KLLN: variants seen among roughly 807,000 people sequenced by gnomAD.
KLLN encodes the protein killin, p53 regulated DNA replication inhibitor, also known as killin.
For missense variants in KLLN, 340 were observed against 241.3 expected (o/e 1.41, Z -2.71); for synonymous variants, 142 against 102.2 (o/e 1.39, Z -2.35).
Position 87,862,443 on chromosome 10 carries a change from C to T in KLLN, c.45G>A (p.Val15=). The change falls in exon 1 of 1, where the codon GTG becomes GTA. Residue 15 remains valine, a synonymous_variant. Coordinates refer to ENST00000445946, the MANE Select transcript of KLLN (RefSeq NM_001126049.2). ...GPGSARPGRT[V]HVWGYRVEWK... is the part of the protein sequence containing the mutation. ...ACTCAACCCGGTAACCCCAAACGTG[C>T]ACGGTCCGGCCGGGGCGCGCGGAGC... 1 of 1,551,366 alleles carries T rather than the reference C, an allele frequency of 6.4e-7. No individual in the cohort carries two copies. The highest frequency in any genetic ancestry group is 2.4e-5 in the East Asian group (1 of 40,898).
Position 87,860,256 on chromosome 10 carries a change from G to A in KLLN, c.*1695C>T, listed in dbSNP as rs1382420801. 4 of 152,190 alleles carry A rather than the reference G, an allele frequency of 2.6e-5. No homozygotes were observed. The highest frequency in any genetic ancestry group is 5.9e-5 in the Non-Finnish European group (4 of 68,028). 9.4% of individuals were successfully genotyped at this position (152,190 alleles called of 1,614,324 possible). A position where few individuals can be genotyped will look rare whatever the true frequency, so the allele number is the denominator to read the frequency against. On this transcript the variant is annotated 3_prime_UTR_variant, in exon 1 of 1. Coordinates refer to ENST00000445946, the MANE Select transcript of KLLN (RefSeq NM_001126049.2). The stretch of plus-strand genomic sequence containing the variant: ...AAACAACTTAACACTAGGAACAGAA[G>A]GAGGATTTTATTCACCAACTCCTAA...
At chr10:87,861,963 C>CT in the KLLN span, 2 of 1,460,070 alleles carry the variant, frequency 1.4e-6, no homozygotes, top group Non-Finnish European at 1.8e-6. Context: ...AGTCCTTTGG[C>CT]TTGCTCTTAG....
At position 87,861,445 on chromosome 10, in the gene KLLN, A is replaced by G. The variant is rs1858253627; in HGVS notation, c.*506T>C. ...GACTCAAATTGTCGTCTGTAGTTCT[A>G]CTTCCTAAGGGAAATGAAAAAACAA... On this transcript the variant is annotated 3_prime_UTR_variant, in exon 1 of 1. Transcript: ENST00000445946. 1 of 153,536 alleles carries G rather than the reference A, an allele frequency of 6.5e-6. No individual in the cohort carries two copies. Among genetic ancestry groups the G allele is most frequent in the Non-Finnish European group, 1.4e-5 (1 of 69,014 alleles). 9.5% of individuals were successfully genotyped at this position (153,536 alleles called of 1,614,324 possible).
chr10:87,862,948 G>A lies in KLLN; in HGVS notation c.-461C>T, dbSNP rs1212430121. The A allele has an allele frequency of 5.2e-6, 1 of 192,396 alleles. No individual in the cohort carries two copies. The highest frequency in any genetic ancestry group is 2.4e-5 in the African/African-American group (1 of 42,336). 11.9% of individuals were successfully genotyped at this position (192,396 alleles called of 1,614,324 possible). On this transcript the variant is annotated 5_prime_UTR_variant, in exon 1 of 1. Coordinates refer to ENST00000445946, the MANE Select transcript of KLLN (RefSeq NM_001126049.2). ...CTGTTACAGTCAAATCTCTGCGAAC[G>A]ATTGTGATCCGACAGCGGTGCAAAA...
At position 87,862,036 on chromosome 10, in the gene KLLN, G is replaced by A. The variant is rs1858266874; in HGVS notation, c.452C>T (p.Pro151Leu). Residue 151 changes from proline (P) to leucine (L), a missense_variant, in exon 1 of 1, where the codon CCG becomes CTG. Pro to Leu is a moderately conservative substitution (Grantham distance 98). Transcript: ENST00000445946. ...TCPRLPACWL[P>L]PILTERGERV... ...CTCCCCGCGTTCTGTAAGAATCGGC[G>A]GCAGCCAGCAGGCGGGGAGGCGGGG... 2 of 1,487,728 alleles carry A rather than the reference G, an allele frequency of 1.3e-6. No individual in the cohort carries two copies. The highest frequency in any genetic ancestry group is 9.0e-7 in the Non-Finnish European group (1 of 1,116,792). 92.2% of individuals were successfully genotyped at this position (1,487,728 alleles called of 1,614,324 possible).
chr10:87,862,135 C>G lies in KLLN; in HGVS notation c.353G>C (p.Ser118Thr). ...GCCCCGACAGCGCTCCTTCGGGAGGCTGGTCCGAGCCCCTGTTTCCGCCGC... is the reference window on the plus strand; with the variant it reads ...GCCCCGACAGCGCTCCTTCGGGAGGGTGGTCCGAGCCCCTGTTTCCGCCGC... ...CAAAETGARTSLPKERCRGWR... is the reference protein window; with the variant it reads ...CAAAETGARTTLPKERCRGWR... Residue 118 changes from serine (S) to threonine (T), a missense_variant, in exon 1 of 1, where the codon AGC (serine) becomes ACC (threonine). Transcript: ENST00000445946. 6.5e-7 allele frequency: 1 copy of G among 1,549,502 alleles called. No individual in the cohort carries two copies. Among genetic ancestry groups the G allele is most frequent in the Non-Finnish European group, 8.7e-7 (1 of 1,145,628 alleles).
In KLLN at chr10:87,863,342, C is replaced by G. The variant is rs1349362159; in HGVS notation, c.-855G>C. 3.3e-6 allele frequency: 1 copy of G among 307,330 alleles called. No individual in the cohort carries two copies. The highest frequency in any genetic ancestry group is 5.2e-5 in the Admixed American group (1 of 19,256). 19.0% of individuals were successfully genotyped at this position (307,330 alleles called of 1,614,324 possible). On this transcript the variant is annotated 5_prime_UTR_variant, in exon 1 of 1. Transcript: ENST00000445946. Reference sequence around the variant, plus strand: ...CCCGAGCAAGCCCCAGGCAGCTACACTGGGCATGCTCAGTAGAGCCTGCGG... The same window carrying G: ...CCCGAGCAAGCCCCAGGCAGCTACAGTGGGCATGCTCAGTAGAGCCTGCGG...
chr10:87,862,559 C>G lies in KLLN; in HGVS notation c.-72G>C. 1 of 1,360,038 alleles carries G rather than the reference C, an allele frequency of 7.4e-7. No homozygotes were observed. The highest frequency in any genetic ancestry group is 2.6e-5 in the Admixed American group (1 of 38,554). 84.2% of individuals were successfully genotyped at this position (1,360,038 alleles called of 1,614,324 possible). On this transcript the variant is annotated 5_prime_UTR_variant, in exon 1 of 1. Coordinates refer to ENST00000445946, the MANE Select transcript of KLLN (RefSeq NM_001126049.2). ...CTCTGAGAACCGAGCTTGACTCCGA[C>G]GCCGCGAACCGACCTGGAGCCCGAG...
Position 87,862,413 on chromosome 10 carries a change from T to A in KLLN, c.75A>T (p.Lys25Asn), listed in dbSNP as rs767531763. 4 of 1,551,524 alleles carry A rather than the reference T, an allele frequency of 2.6e-6. No homozygotes were observed. The highest frequency in any genetic ancestry group is 2.4e-5 in the East Asian group (1 of 40,916). The change falls in exon 1 of 1, where the codon AAA (lysine) becomes AAT (asparagine). Residue 25 changes from lysine (K) to asparagine (N), a missense_variant. Coordinates refer to ENST00000445946, the MANE Select transcript of KLLN (RefSeq NM_001126049.2). ...GCTGCAGCTTCCTACCGTTCCGTAC[T>A]TTCCACTCAACCCGGTAACCCCAAA... The part of the protein sequence containing the change: ...VHVWGYRVEW[K>N]VRNGRKLQPS...
chr10:87,862,796 G>A lies in KLLN; in HGVS notation c.-309C>T. On this transcript the variant is annotated 5_prime_UTR_variant, in exon 1 of 1. Coordinates refer to ENST00000445946, the MANE Select transcript of KLLN (RefSeq NM_001126049.2). The stretch of plus-strand genomic sequence containing the variant: ...AGCCGAGTTACCGGGGAAGCGAGAG[G>A]TGGGGCGCTGCAAGGGAGCCGGATG... The A allele has an allele frequency of 2.2e-6, 1 of 461,468 alleles. No individual in the cohort carries two copies. The highest frequency in any genetic ancestry group is 4.0e-6 in the Non-Finnish European group (1 of 247,056). The allele number at this position is 461,468 out of a possible 1,614,324, so 28.6% of individuals were successfully genotyped here.
In KLLN at chr10:87,859,428, A is replaced by G. The variant is rs1858221251; in HGVS notation, c.*2523T>C. 1 of 152,224 alleles carries G rather than the reference A, an allele frequency of 6.6e-6. No homozygotes were observed. The highest frequency in any genetic ancestry group is 2.4e-5 in the African/African-American group (1 of 41,438). 9.4% of individuals were successfully genotyped at this position (152,224 alleles called of 1,614,324 possible). On this transcript the variant is annotated 3_prime_UTR_variant, in exon 1 of 1. Transcript: ENST00000445946. ...ATGAGAAAGGCACTATAGAGATCAG[A>G]GTGTTTACACAAAAGACATCTTAGC... is the stretch of plus-strand genomic sequence containing the variant.
Position 87,862,584 on chromosome 10 carries a change from G to A in KLLN, c.-97C>T, listed in dbSNP as rs1271127165. On this transcript the variant is annotated 5_prime_UTR_variant, in exon 1 of 1. Transcript: ENST00000445946. ...CGCCGCGAACCGACCTGGAGCCCGAGGGGAAAGATGCTCGACTCTCTTGGG... is the reference window on the plus strand; with the variant it reads ...CGCCGCGAACCGACCTGGAGCCCGAAGGGAAAGATGCTCGACTCTCTTGGG... 5 of 1,156,166 alleles carry A rather than the reference G, an allele frequency of 4.3e-6. No individual in the cohort carries two copies. Among genetic ancestry groups the A allele is most frequent in the Non-Finnish European group, 6.1e-6 (5 of 824,744 alleles). The allele number at this position is 1,156,166 out of a possible 1,614,324, so 71.6% of individuals were successfully genotyped here. A position where few individuals can be genotyped will look rare whatever the true frequency, so the allele number is the denominator to read the frequency against.
At chr10:87,861,951 TCA>T in the KLLN span, 1 of 1,456,908 alleles carries the variant, frequency 6.9e-7, no homozygotes, top group Non-Finnish European at 9.1e-7. Context: ...GTCTCAGGTC[TCA>T]GTCCTTTGGC....
Position 87,862,432 on chromosome 10 carries a change from C to T in KLLN, c.56G>A (p.Gly19Asp). 1 of 1,551,582 alleles carries T rather than the reference C, an allele frequency of 6.4e-7. No homozygotes were observed. Among genetic ancestry groups the T allele is most frequent in the Non-Finnish European group, 8.7e-7 (1 of 1,146,950 alleles). The change falls in exon 1 of 1, where the codon GGT becomes GAT. Residue 19 changes from glycine to aspartate, a missense_variant. Transcript: ENST00000445946. ...CCGTACTTTCCACTCAACCCGGTAA[C>T]CCCAAACGTGCACGGTCCGGCCGGG... ...ARPGRTVHVW[G>D]YRVEWKVRNG...
Position 87,862,425 on chromosome 10 carries a change from C to G in KLLN, c.63G>C (p.Arg21=), listed in dbSNP as rs1858287009. ...TACCGTTCCGTACTTTCCACTCAACCCGGTAACCCCAAACGTGCACGGTCC... is the reference window on the plus strand; with the variant it reads ...TACCGTTCCGTACTTTCCACTCAACGCGGTAACCCCAAACGTGCACGGTCC... ...PGRTVHVWGY[R]VEWKVRNGRK... The change falls in exon 1 of 1, where the codon CGG becomes CGC. Residue 21 remains arginine, a synonymous_variant. Transcript: ENST00000445946. 3.2e-6 allele frequency: 5 copies of G among 1,551,640 alleles called. No individual in the cohort carries two copies. In the South Asian group the frequency reaches 5.9e-5, roughly 18 times the overall value.
At position 87,862,218 on chromosome 10, in the gene KLLN, G is replaced by C. The variant is rs892472106; in HGVS notation, c.270C>G (p.Ser90=). 6.4e-6 allele frequency: 10 copies of C among 1,551,730 alleles called. No homozygotes were observed. Among genetic ancestry groups the C allele is most frequent in the Non-Finnish European group, 4.4e-6 (5 of 1,146,996 alleles). The change falls in exon 1 of 1, where the codon TCC becomes TCG. Residue 90 remains serine (S), a synonymous_variant. Coordinates refer to ENST00000445946, the MANE Select transcript of KLLN (RefSeq NM_001126049.2). ...SDSSGGKSSS[S]FARGALAWCR... is the part of the protein sequence containing the mutation. ...ACCAGGCAAGAGCACCCCGAGCAAA[G>C]GAAGAAGACGACTTGCCTCCGGAGC...
chr10:87,861,780 C>T lies in KLLN; in HGVS notation c.*171G>A, dbSNP rs1589591771. On this transcript the variant is annotated 3_prime_UTR_variant, in exon 1 of 1. Coordinates refer to ENST00000445946, the MANE Select transcript of KLLN (RefSeq NM_001126049.2). ...GTTTGTTGCAACATCGGAGAATGCA[C>T]GCTCTGGGCTGCAGCAGGAGATACC... is the stretch of plus-strand genomic sequence containing the variant. 8.8e-6 allele frequency: 5 copies of T among 571,068 alleles called. No individual in the cohort carries two copies. The East Asian group carries it at 1.2e-4, about 13-fold the overall frequency. 35.4% of individuals were successfully genotyped at this position (571,068 alleles called of 1,614,324 possible). A position where few individuals can be genotyped will look rare whatever the true frequency, so the allele number is the denominator to read the frequency against.
In KLLN at chr10:87,862,858, CTT is replaced by C; in HGVS notation, c.-373_-372del. The C allele has an allele frequency of 3.2e-6, 1 of 315,220 alleles. No individual in the cohort carries two copies. The highest frequency in any genetic ancestry group is 1.0e-3 in the Middle Eastern group (1 of 958). The allele number at this position is 315,220 out of a possible 1,614,324, so 19.5% of individuals were successfully genotyped here. On this transcript the variant is annotated 5_prime_UTR_variant, in exon 1 of 1. It introduces an in-frame stop codon into an upstream open reading frame of the 5' UTR. Coordinates refer to ENST00000445946, the MANE Select transcript of KLLN (RefSeq NM_001126049.2). ...GCTGGCGACACAATAGCAGGTTGCT[CTT>C]TGTGCTAAGACTGACACCATGAGGA...
At position 87,861,961 on chromosome 10, in the gene KLLN, G is replaced by A; in HGVS notation, c.527C>T (p.Pro176Leu). The A allele has an allele frequency of 6.8e-7, 1 of 1,459,940 alleles. No homozygotes were observed. The highest frequency in any genetic ancestry group is 9.1e-7 in the Non-Finnish European group (1 of 1,104,672). 90.4% of individuals were successfully genotyped at this position (1,459,940 alleles called of 1,614,324 possible). A position where few individuals can be genotyped will look rare whatever the true frequency, so the allele number is the denominator to read the frequency against. ...PLLACYPKSK[P>L]KD ...AGTGAGTCTCAGGTCTCAGTCCTTTGGCTTGCTCTTAGGGTAGCAGGCGAG... is the reference window on the plus strand; with the variant it reads ...AGTGAGTCTCAGGTCTCAGTCCTTTAGCTTGCTCTTAGGGTAGCAGGCGAG... Residue 176 changes from proline (P) to leucine (L), a missense_variant, in exon 1 of 1, where the codon CCA (proline) becomes CTA (leucine). Transcript: ENST00000445946.
Sources: allele counts gnomAD v4.1 joint callset, GRCh38; gene constraint gnomAD v4.1.1; transcripts MANE v1.5; gene names NCBI Gene and HGNC (gene_info 2026-07-23, HGNC 2026-07-21).